Variants in TIMP3 observed in about 807,000 individuals in gnomAD.
TIMP3 encodes TIMP metallopeptidase inhibitor 3.
TIMP3 carries 11 observed loss-of-function variants against 30.0 expected under a neutral mutation model. The observed-to-expected ratio is 0.37, with a 90% CI of 0.23 to 0.61. The LOEUF (loss-of-function observed/expected upper bound fraction) is 0.61, where lower values mean the gene tolerates loss of function less well. TIMP3 is among the 20% of genes least tolerant of loss of function. The pLI is 0.70. For missense variants in TIMP3, 181 were observed against 276.8 expected, an observed-to-expected ratio of 0.65 and a Z score of 2.45; for synonymous variants, 112 against 111.3, an observed-to-expected ratio of 1.01 and a Z score of -0.04.
intron 1 of TIMP3, among the ~76,000 whole-genome samples, chr22:32,814,890 A>G (rs1485607725): frequency 6.6e-6 from 1 of 152,252 alleles, no homozygotes; most frequent in Non-Finnish European, 1.5e-5. Flanking sequence ...TCATGTTTAA[A>G]AAAACGAGGA....
chr22:32,828,022 G>T (rs1003930386), intron 1 of TIMP3, among the ~76,000 whole-genome samples: 1 of 152,106 alleles, frequency 6.6e-6, no homozygotes, highest in Non-Finnish European at 1.5e-5. Context: ...ATCATATTGG[G>T]TATTTGTCTT....
intron 1 of TIMP3, among the ~76,000 whole-genome samples, chr22:32,831,311 C>G (rs2047567179): frequency 6.6e-6 from 1 of 152,180 alleles, no homozygotes; most frequent in Non-Finnish European, 1.5e-5. Flanking sequence ...GATGGTGTCC[C>G]TGGGAATTGA....
At chr22:32,810,781 C>A (rs1047145940) in intron 1 of TIMP3, among the ~76,000 whole-genome samples, 3 of 152,098 alleles carry the variant, frequency 2.0e-5, no homozygotes, top group African/African-American at 7.2e-5. Flanking sequence ...TTCATGAAGA[C>A]TTGGTTTCGT....
rs1427384 is a variant in TIMP3, at chr22:32,861,335, T to G, written c.*1958T>G. ...CCGTGTACCTTTCCCATTGTGGTCA[T>G]GCCATTTGGCAGGGGGAGAATGGGA... On this transcript the variant is annotated 3_prime_UTR_variant, in exon 5 of 5. Coordinates refer to ENST00000266085, the MANE Select transcript of TIMP3 (RefSeq NM_000362.5). The G allele has an allele frequency of 1.3e-5, 2 of 152,294 alleles. No homozygotes were observed. The highest frequency in any genetic ancestry group is 4.1e-4 in the South Asian group (2 of 4,824). 9.4% of individuals were successfully genotyped at this position (152,294 alleles called of 1,614,324 possible).
intron 1 of TIMP3, among the ~76,000 whole-genome samples, chr22:32,821,490 G>C (rs534302574): frequency 6.6e-6 from 1 of 152,322 alleles, no homozygotes; most frequent in East Asian, 1.9e-4. Context: ...TTAATATAAT[G>C]GATGGTCCAT....
intron 3 of TIMP3, 24 bp downstream of exon 3, chr22:32,857,384 G>A (rs2048400544): frequency 6.3e-7 from 1 of 1,592,632 alleles, no homozygotes; most frequent in Non-Finnish European, 8.6e-7. Context: ...CTAGCTTCTA[G>A]GCCAGGGTTT....
At chr22:32,836,618 G>C (rs1029307343) in intron 1 of TIMP3, among the ~76,000 whole-genome samples, 1 of 152,140 alleles carries the variant, frequency 6.6e-6, no homozygotes, top group Non-Finnish European at 1.5e-5. Context: ...GTATGGGCTC[G>C]TTTTTCTCGT....
At chr22:32,857,198 C>G in intron 2 of TIMP3, 51 bp from the exon 3 acceptor site, 1 of 1,388,800 alleles carries the variant, frequency 7.2e-7, no homozygotes, top group South Asian at 1.2e-5. Context: ...AGGGATCATA[C>G]GGGTGTCCAA....
At chr22:32,846,424 C>G (rs755573234) in intron 1 of TIMP3, among the ~76,000 whole-genome samples, 7 of 152,168 alleles carry the variant, frequency 4.6e-5, no homozygotes, top group Non-Finnish European at 8.8e-5. Flanking sequence ...ATGGTATGCC[C>G]TAAGATGGAA....
intron 1 of TIMP3, among the ~76,000 whole-genome samples, chr22:32,831,375 G>A (rs1253807529): frequency 1.3e-5 from 2 of 152,152 alleles, no homozygotes; most frequent in Non-Finnish European, 2.9e-5. Context: ...CATTAGAGTG[G>A]GCTGATATCC....
intron 2 of TIMP3, 70 bp from the exon 3 acceptor site, chr22:32,857,179 A>C: frequency 8.7e-7 from 1 of 1,143,640 alleles, no homozygotes. Context: ...CATACCCAGC[A>C]GTGGGATTAG....
At chr22:32,855,614 C>T (rs1370111404) in intron 2 of TIMP3, among the ~76,000 whole-genome samples, 3 of 152,106 alleles carry the variant, frequency 2.0e-5, no homozygotes, top group African/African-American at 7.2e-5. Context: ...CATGGTGATT[C>T]GTGGGCTAAT....
intron 1 of TIMP3, among the ~76,000 whole-genome samples, chr22:32,829,624 G>C (rs916276209): frequency 6.6e-6 from 1 of 152,160 alleles, no homozygotes; most frequent in African/African-American, 2.4e-5. Context: ...TTCTACCCCA[G>C]CCTCTTCACA....
chr22:32,850,874 CACGGTG>C (rs1428120718), intron 2 of TIMP3, among the ~76,000 whole-genome samples: 3 of 152,172 alleles, frequency 2.0e-5, no homozygotes, highest in Admixed American at 2.0e-4. Flanking sequence ...TGACGCAGCC[CACGGTG>C]GTACCCAACC....
In TIMP3 at chr22:32,851,376, C is replaced by T. The variant is rs576139989; in HGVS notation, c.204+1842C>T. On this transcript the variant is annotated intron_variant, in intron 2 of 4. Coordinates refer to ENST00000266085, the MANE Select transcript of TIMP3 (RefSeq NM_000362.5). ...CCTGGAGACCAGGGTGACCAGAGGCCCTTCCTGTGGACATAATGTCCCATT... is the reference window on the plus strand; with the variant it reads ...CCTGGAGACCAGGGTGACCAGAGGCTCTTCCTGTGGACATAATGTCCCATT... Among the ~76,000 whole-genome samples, 23 of 152,206 alleles carry T rather than the reference C, an allele frequency of 1.5e-4. No homozygotes were observed. The East Asian group carries it at 4.3e-3, about 28-fold the overall frequency.
At chr22:32,845,569 G>A (rs2048036826) in intron 1 of TIMP3, among the ~76,000 whole-genome samples, 1 of 152,124 alleles carries the variant, frequency 6.6e-6, no homozygotes, top group Non-Finnish European at 1.5e-5. Flanking sequence ...ATTTCTTGTT[G>A]TCACCCTCAC....
chr22:32,854,984 A>C (rs1353156465), intron 2 of TIMP3, among the ~76,000 whole-genome samples: 2 of 152,224 alleles, frequency 1.3e-5, no homozygotes, highest in Non-Finnish European at 2.9e-5. Context: ...TCACAGGCCA[A>C]ATGGGAGGCA....
chr22:32,837,374 G>C lies in TIMP3; in HGVS notation c.122-12078G>C, dbSNP rs1341813182. Among the ~76,000 whole-genome samples the C allele has an allele frequency of 1.3e-5, 2 of 148,240 alleles. No individual in the cohort carries two copies. Among genetic ancestry groups the C allele is most frequent in the South Asian group, 2.1e-4 (1 of 4,746 alleles). On this transcript the variant is annotated intron_variant, in intron 1 of 4. Transcript: ENST00000266085. The surrounding 1 kb of genome is among the most constrained non-coding windows in gnomAD (Gnocchi z 4.1). ...AGTGCACTTGCATGGCAGTAAGCAA[G>C]TCGGCGCCTCTGACCCCTGAGTGGG...
chr22:32,808,650 G>T (rs1017382378), intron 1 of TIMP3, among the ~76,000 whole-genome samples: 1 of 152,112 alleles, frequency 6.6e-6, no homozygotes, highest in Non-Finnish European at 1.5e-5. Flanking sequence ...CTGGCTCTTG[G>T]CCCATGACAC....
Sources: allele counts gnomAD v4.1 joint callset (sites outside exome capture counted in the v4.1 genomes callset), GRCh38; gene constraint gnomAD v4.1.1; non-coding constraint Gnocchi (gnomAD v3.1); transcripts MANE v1.5; gene names NCBI Gene and HGNC (gene_info 2026-07-23, HGNC 2026-07-21).